The following TPCN1 variants were observed in gnomAD, a reference collection of about 807,000 sequenced individuals.
The protein encoded by TPCN1 is two pore channel protein 1.
TPCN1 carries 52 observed loss-of-function variants against 108.8 expected under a neutral mutation model. The ratio of observed to expected loss-of-function variants is 0.48; its 90% CI spans 0.38 to 0.60. The LOEUF (loss-of-function observed/expected upper bound fraction) is 0.60, where lower values mean the gene tolerates loss of function less well. Among genes scored for constraint, TPCN1 ranks in the 20% least tolerant of loss-of-function variants. TPCN1 has a pLI of 0.00. For synonymous variants in TPCN1, 446 were observed against 433.7 expected (o/e 1.03, Z -0.35); for missense variants, 806 against 1,072.8 (o/e 0.75, Z 3.47).
intron 10 of TPCN1, among the ~76,000 whole-genome samples, chr12:113,276,600 C>A (rs1383291750): frequency 1.3e-5 from 2 of 152,190 alleles, no homozygotes; most frequent in Admixed American, 6.5e-5. Flanking sequence ...TGGCTTGCCC[C>A]TGCGCAGCCT....
At chr12:113,267,093 G>T (rs528600535) in intron 4 of TPCN1, among the ~76,000 whole-genome samples, 1 of 152,040 alleles carries the variant, frequency 6.6e-6, no homozygotes, top group Admixed American at 6.5e-5. Flanking sequence ...ATGTCCACAG[G>T]CCCTGGACCT....
At chr12:113,278,996 C>T (rs981420992) in intron 14 of TPCN1, among the ~76,000 whole-genome samples, 161 bp downstream of exon 14, 2 of 151,250 alleles carry the variant, frequency 1.3e-5, no homozygotes, top group African/African-American at 4.9e-5. Flanking sequence ...CCAGCAGGGA[C>T]GTAAGGGTGG....
chr12:113,244,507 C>G, intron 2 of TPCN1: 1 of 985,414 alleles, frequency 1.0e-6, no homozygotes. Context: ...TGCTTTCTTT[C>G]GGCGTAGCAT....
chr12:113,260,380 A>G lies in TPCN1; in HGVS notation c.125A>G (p.Tyr42Cys). The change falls in exon 3 of 28, where the codon TAT becomes TGT. Residue 42 changes from tyrosine (Y) to cysteine (C), a missense_variant. Coordinates refer to ENST00000335509, the MANE Select transcript of TPCN1 (RefSeq NM_017901.6). ...TCTTCCAATGCAGATGGCGGCAGCT[A>G]TGCCATCCACGACTCCCAGGCCCCC... is the stretch of plus-strand genomic sequence containing the variant. Reference protein sequence around the residue: ...EELPSKNGGSYAIHDSQAPSL... With the variant: ...EELPSKNGGSCAIHDSQAPSL... The G allele has an allele frequency of 1.3e-6, 2 of 1,501,142 alleles. No individual in the cohort carries two copies. Among genetic ancestry groups the G allele is most frequent in the Middle Eastern group, 1.8e-4 (1 of 5,636 alleles). 93.0% of individuals were successfully genotyped at this position (1,501,142 alleles called of 1,614,324 possible).
Position 113,288,763 on chromosome 12 carries a change from G to A in TPCN1, c.1712G>A (p.Gly571Asp), listed in dbSNP as rs1427052729. ...CTGCCCCTGTCGCCCCACAGCCTGG[G>A]CCTCACCCTGCTCATCTTTTACTAC... ...FELLPRMASL[G>D]LTLLIFYYSF... The change falls in exon 21 of 28, where the codon GGC (glycine) becomes GAC (aspartate). Residue 571 changes from glycine (G) to aspartate (D), a missense_variant. Coordinates refer to ENST00000335509, the MANE Select transcript of TPCN1 (RefSeq NM_017901.6). The surrounding 1 kb of genome is among the most constrained non-coding windows in gnomAD (Gnocchi z 4.8). 2 of 1,612,348 alleles carry A rather than the reference G, an allele frequency of 1.2e-6. No homozygotes were observed. The highest frequency in any genetic ancestry group is 1.3e-5 in the African/African-American group (1 of 74,914).
intron 2 of TPCN1, among the ~76,000 whole-genome samples, chr12:113,258,531 C>G (rs1201750659): frequency 6.6e-6 from 1 of 152,040 alleles, no homozygotes; most frequent in East Asian, 1.9e-4. Context: ...CCTGTAATCT[C>G]AACACTTTGG....
At chr12:113,234,949 C>G (rs1441658084) in intron 2 of TPCN1, among the ~76,000 whole-genome samples, 2 of 152,168 alleles carry the variant, frequency 1.3e-5, no homozygotes, top group Non-Finnish European at 2.9e-5. Flanking sequence ...TAGGCTGCCC[C>G]TGCTCTCTCT....
intron 3 of TPCN1, among the ~76,000 whole-genome samples, chr12:113,261,366 T>C (rs1451448814): frequency 2.0e-5 from 3 of 151,316 alleles, no homozygotes; most frequent in South Asian, 2.1e-4. Flanking sequence ...AAAAGTCATA[T>C]GGTATGTGCA....
intron 2 of TPCN1, chr12:113,246,081 G>A (rs1409736659): frequency 8.8e-6 from 4 of 455,040 alleles, no homozygotes. Context: ...TGGTTTGTCT[G>A]CCTGTCCTCT....
chr12:113,258,216 C>T (rs536629012), intron 2 of TPCN1, among the ~76,000 whole-genome samples: 31 of 152,288 alleles, frequency 2.0e-4, no homozygotes, highest in African/African-American at 7.2e-4. Flanking sequence ...TCTATAATCC[C>T]AGAACTTTGG....
At chr12:113,227,078 C>T in intron 2 of TPCN1, 114 bp downstream of exon 2, 1 of 819,866 alleles carries the variant, frequency 1.2e-6, no homozygotes, top group Non-Finnish European at 1.9e-6. Context: ...CCTGGCCCCA[C>T]ATTTGAGCCC....
rs1326817631 is a variant in TPCN1, at chr12:113,272,045, G to A, written c.749-613G>A. 6.6e-6 allele frequency among the ~76,000 whole-genome samples: 1 copy of A among 152,200 alleles called. No homozygotes were observed. Among genetic ancestry groups the A allele is most frequent in the African/African-American group, 2.4e-5 (1 of 41,446 alleles). On this transcript the variant is annotated intron_variant, in intron 7 of 27. Coordinates refer to ENST00000335509, the MANE Select transcript of TPCN1 (RefSeq NM_017901.6). The surrounding 1 kb of genome is among the most constrained non-coding windows in gnomAD (Gnocchi z 4.1). ...CCGGCCCTCGTGACTGCCTTGTCCT[G>A]AGTCATGGCTCTCACTTCCTCCCAC... is the stretch of plus-strand genomic sequence containing the variant.
intron 2 of TPCN1, among the ~76,000 whole-genome samples, chr12:113,256,571 T>A (rs992765564): frequency 6.6e-6 from 1 of 152,228 alleles, no homozygotes; most frequent in African/African-American, 2.4e-5. Context: ...TTTTCTTTTT[T>A]AAAGACAGTG....
rs1347655007 is a variant in TPCN1, at chr12:113,296,296, A to C, written c.*220A>C. 1.6e-6 allele frequency: 1 copy of C among 610,906 alleles called. No individual in the cohort carries two copies. Among genetic ancestry groups the C allele is most frequent in the Non-Finnish European group, 2.7e-6 (1 of 367,342 alleles). The allele number at this position is 610,906 out of a possible 1,614,324, so 37.8% of individuals were successfully genotyped here. ...GGTGAGGGGTGGGGGTGCGGCCACC[A>C]GGTCTGAGCTCTTCCTACTGTGGAA... On this transcript the variant is annotated 3_prime_UTR_variant, in exon 28 of 28. Transcript: ENST00000335509.
At position 113,296,691 on chromosome 12, in the gene TPCN1, C is replaced by G. The variant is rs574710343; in HGVS notation, c.*615C>G. 1 of 152,536 alleles carries G rather than the reference C, an allele frequency of 6.6e-6. No individual in the cohort carries two copies. Among genetic ancestry groups the G allele is most frequent in the South Asian group, 2.1e-4 (1 of 4,832 alleles). The allele number at this position is 152,536 out of a possible 1,614,324, so 9.4% of individuals were successfully genotyped here. A position where few individuals can be genotyped will look rare whatever the true frequency, so the allele number is the denominator to read the frequency against. On this transcript the variant is annotated 3_prime_UTR_variant, in exon 28 of 28. Coordinates refer to ENST00000335509, the MANE Select transcript of TPCN1 (RefSeq NM_017901.6). ...CAGAGCTCAGTTAGCCAGTGCCGGG[C>G]GGCCACAGATTACACTGACCAATCT...
chr12:113,245,548 C>T (rs1220642754), intron 2 of TPCN1, among the ~76,000 whole-genome samples: 2 of 129,526 alleles, frequency 1.5e-5, no homozygotes, highest in Non-Finnish European at 3.2e-5. Context: ...TTGCAGTGAG[C>T]CGAGATCGCG....
intron 18 of TPCN1, 110 bp from the exon 19 acceptor site, chr12:113,286,877 T>C (rs1048123183): frequency 8.2e-6 from 6 of 734,870 alleles, no homozygotes; most frequent in Non-Finnish European, 1.2e-5. Flanking sequence ...CTGTTGGTGT[T>C]GCTGTGTCTG....
intron 10 of TPCN1, among the ~76,000 whole-genome samples, chr12:113,274,468 C>T (rs1955608675): frequency 6.6e-6 from 1 of 151,962 alleles, no homozygotes; most frequent in Non-Finnish European, 1.5e-5. Flanking sequence ...AATTGTTATA[C>T]TATATTGTTT....
chr12:113,292,433 T>G (rs1956298025), intron 25 of TPCN1: 2 of 194,764 alleles, frequency 1.0e-5, no homozygotes, highest in Non-Finnish European at 2.1e-5. Context: ...TGCCTCACTC[T>G]TCCCAGATTG....
Sources: gnomAD v4.1 joint callset for allele counts (sites outside exome capture counted in the v4.1 genomes callset) on GRCh38, gnomAD v4.1.1 for gene constraint, Gnocchi (gnomAD v3.1) non-coding constraint, MANE v1.5 for transcripts, NCBI Gene and HGNC (gene_info 2026-07-23, HGNC 2026-07-21) for gene names.